DIPK1A: variants seen among roughly 807,000 people sequenced by gnomAD.
DIPK1A encodes family with sequence similarity 69 member A.
DIPK1A carries 27 observed loss-of-function variants against 40.8 expected under a neutral mutation model. The observed-to-expected ratio is 0.66, with a 90% CI of 0.49 to 0.91. The LOEUF is 0.91. DIPK1A is among the 40% of genes least tolerant of loss of function. DIPK1A has a pLI of 0.00. For missense variants in DIPK1A, 412 were observed against 505.7 expected (o/e 0.81, Z 1.78); for synonymous variants, 166 against 171.3 (o/e 0.97, Z 0.24).
intron 1 of DIPK1A, among the ~76,000 whole-genome samples, chr1:92,897,965 G>A (rs1649249402): frequency 6.6e-6 from 1 of 152,126 alleles, no homozygotes; most frequent in South Asian, 2.1e-4. Context: ...CATGCGTGGT[G>A]GCGTGCACCT....
At position 92,850,843 on chromosome 1, in the gene DIPK1A, C is replaced by T. The variant is rs980998502; in HGVS notation, c.297+5G>A. 1.6e-5 allele frequency: 25 copies of T among 1,518,448 alleles called. No individual in the cohort carries two copies. The highest frequency in any genetic ancestry group is 3.4e-4 in the Middle Eastern group (2 of 5,942). 94.1% of individuals were successfully genotyped at this position (1,518,448 alleles called of 1,614,324 possible). On this transcript the variant is annotated splice_donor_5th_base_variant and intron_variant, in intron 3 of 4. Transcript: ENST00000370310. ...TTCTGGAATGTTTATTCATAATGGC[C>T]ATACCTGATTGTTGGGCTTGGTGGA...
chr1:92,872,272 G>T (rs1647908562), intron 2 of DIPK1A, among the ~76,000 whole-genome samples: 1 of 151,506 alleles, frequency 6.6e-6, no homozygotes, highest in Admixed American at 6.6e-5. Context: ...AGTAGAGACA[G>T]GTTTTTGCTA....
intron 1 of DIPK1A, among the ~76,000 whole-genome samples, chr1:92,936,411 C>G (rs772041099): frequency 6.6e-6 from 1 of 151,832 alleles, no homozygotes; most frequent in Admixed American, 6.6e-5. Flanking sequence ...GCAGATCACC[C>G]GAGGTCGGGA....
chr1:92,922,459 G>A (rs778259589), intron 1 of DIPK1A, among the ~76,000 whole-genome samples: 16 of 151,830 alleles, frequency 1.1e-4, no homozygotes, highest in East Asian at 1.9e-4. Context: ...AATTTCGTCC[G>A]GGGAGAATAA....
intron 1 of DIPK1A, among the ~76,000 whole-genome samples, chr1:92,885,165 G>A (rs1648539506): frequency 6.6e-6 from 1 of 152,142 alleles, no homozygotes; most frequent in African/African-American, 2.4e-5. Flanking sequence ...ACCTCCAAGT[G>A]TCAGTATTCT....
intron 1 of DIPK1A, among the ~76,000 whole-genome samples, chr1:92,952,132 C>T (rs528132165): frequency 8.6e-5 from 13 of 151,520 alleles, no homozygotes; most frequent in African/African-American, 3.1e-4. Flanking sequence ...GGGAATGCTA[C>T]TGATATCTAA....
intron 2 of DIPK1A, among the ~76,000 whole-genome samples, chr1:92,872,070 T>A (rs12728376): frequency 1.9e-4 from 1 of 5,364 alleles, no homozygotes; most frequent in Non-Finnish European, 3.5e-4. Flanking sequence ...TCTTTAAATC[T>A]TTTTTTTTTT....
chr1:92,935,190 C>T (rs1650900556), intron 1 of DIPK1A, among the ~76,000 whole-genome samples: 1 of 152,188 alleles, frequency 6.6e-6, no homozygotes, highest in Non-Finnish European at 1.5e-5. Context: ...AATATTTCCA[C>T]CTCTCTATTG....
At chr1:92,870,075 TACACACAC>T (rs3221733) in intron 2 of DIPK1A, among the ~76,000 whole-genome samples, 771 of 66,446 alleles carry the variant, frequency 0.012, 9 homozygotes, top group African/African-American at 0.026. Context: ...GAATTATATA[TACACACAC>T]ACACACACAC....
chr1:92,912,273 T>A (rs1408405146), intron 1 of DIPK1A, among the ~76,000 whole-genome samples: 1 of 152,050 alleles, frequency 6.6e-6, no homozygotes, highest in East Asian at 1.9e-4. Flanking sequence ...ATGTTTAAGT[T>A]GCTGCCCCAT....
At chr1:92,862,428 C>G (rs566498979) in intron 2 of DIPK1A, among the ~76,000 whole-genome samples, 1 of 152,264 alleles carries the variant, frequency 6.6e-6, no homozygotes. Context: ...TTCCCAATTT[C>G]CCCAAACTCA....
chr1:92,864,772 GCACA>G (rs1254815261), intron 2 of DIPK1A, among the ~76,000 whole-genome samples: 1 of 151,970 alleles, frequency 6.6e-6, no homozygotes, highest in African/African-American at 2.4e-5. Flanking sequence ...GGGTACAGTG[GCACA>G]CACCTATAAT....
chr1:92,940,996 T>C (rs1466861118), intron 1 of DIPK1A, among the ~76,000 whole-genome samples: 1 of 28,304 alleles, frequency 3.5e-5, no homozygotes, highest in Non-Finnish European at 1.0e-4. Flanking sequence ...GAGAGTTCTT[T>C]GTATATTCCA....
At chr1:92,848,417 T>A (rs75624058) in intron 3 of DIPK1A, among the ~76,000 whole-genome samples, 3,194 of 152,236 alleles carry the variant, frequency 0.021, 120 homozygotes, top group African/African-American at 0.072. Context: ...GCTACACTGG[T>A]CTTTCTGTGA....
intron 1 of DIPK1A, among the ~76,000 whole-genome samples, chr1:92,939,196 C>T (rs781252259): frequency 6.6e-6 from 1 of 152,192 alleles, no homozygotes; most frequent in Non-Finnish European, 1.5e-5. Context: ...GTCACCACGC[C>T]TGGCCTTCCA....
chr1:92,860,645 A>AGGT (rs1553125592), intron 2 of DIPK1A, among the ~76,000 whole-genome samples: 1 of 11,478 alleles, frequency 8.7e-5, no homozygotes, highest in Non-Finnish European at 1.9e-4. Flanking sequence ...AAAAAAAAAA[A>AGGT]ATGGTGGTGT....
chr1:92,915,037 G>A (rs1402859270), intron 1 of DIPK1A, among the ~76,000 whole-genome samples: 5 of 133,550 alleles, frequency 3.7e-5, no homozygotes, highest in Admixed American at 7.7e-5. Flanking sequence ...GCAGTAAGCC[G>A]AGATGGCACC....
intron 2 of DIPK1A, among the ~76,000 whole-genome samples, chr1:92,863,447 T>C (rs1336678724): frequency 3.3e-5 from 5 of 151,856 alleles, no homozygotes; most frequent in Non-Finnish European, 7.4e-5. Flanking sequence ...TGATTTAAGA[T>C]TGGCCGGGCA....
At chr1:92,955,697 C>CAAAAA (rs551282522) in intron 1 of DIPK1A, among the ~76,000 whole-genome samples, 4 of 46,080 alleles carry the variant, frequency 8.7e-5, no homozygotes, top group Non-Finnish European at 9.1e-5. Context: ...GACTCTGTCT[C>CAAAAA]AAAAAAAAAA....
Sources: allele counts gnomAD v4.1 joint callset (sites outside exome capture counted in the v4.1 genomes callset), GRCh38; gene constraint gnomAD v4.1.1; transcripts MANE v1.5; gene names NCBI Gene and HGNC (gene_info 2026-07-23, HGNC 2026-07-21).